Variants in PEBP4 observed in about 807,000 individuals in gnomAD.
PEBP4 encodes the protein phosphatidylethanolamine-binding protein 4.
A neutral mutation model predicts 23.9 loss-of-function variants in PEBP4; 22 were observed. The observed-to-expected ratio is 0.92, with a 90% CI of 0.66 to 1.31. The LOEUF is 1.31. PEBP4 is among the 40% of genes most tolerant of loss of function. The pLI, the probability that PEBP4 is intolerant of heterozygous loss-of-function variation, is 0.00. For missense variants in PEBP4, 324 were observed against 281.7 expected, an observed-to-expected ratio of 1.15 and a Z score of -1.07; for synonymous variants, 112 against 99.3, an observed-to-expected ratio of 1.13 and a Z score of -0.76.
upstream of PEBP4, among the ~76,000 whole-genome samples, chr8:22,930,223 G>C (rs1232363310): frequency 6.6e-6 from 1 of 152,082 alleles, no homozygotes; most frequent in East Asian, 1.9e-4. Context: ...TCCTTTCTAT[G>C]CCAGGGCTGT....
At chr8:22,751,657 TTGTGC>T (rs769951866) in intron 4 of PEBP4, among the ~76,000 whole-genome samples, 15,913 of 139,498 alleles carry the variant, frequency 0.11, 1,056 homozygotes, top group South Asian at 0.21. Context: ...TGTGTGTGTG[TTGTGC>T]GTCTATATAT....
chr8:22,800,366 C>T (rs924896406), intron 4 of PEBP4, among the ~76,000 whole-genome samples: 2 of 151,906 alleles, frequency 1.3e-5, no homozygotes, highest in African/African-American at 4.8e-5. Flanking sequence ...TGACCCTGGA[C>T]CTCAGTTTCT....
intron 6 of PEBP4, among the ~76,000 whole-genome samples, chr8:22,715,497 G>A (rs1406322065): frequency 6.6e-6 from 1 of 152,236 alleles, no homozygotes; most frequent in African/African-American, 2.4e-5. Flanking sequence ...CAGGGACGAG[G>A]GGGCCTTCCC....
intron 3 of PEBP4, among the ~76,000 whole-genome samples, chr8:22,846,070 T>C (rs1365011950): frequency 2.0e-5 from 3 of 152,252 alleles, no homozygotes; most frequent in East Asian, 1.9e-4. Context: ...GTCCTTCTTC[T>C]ATGCGGACCT....
intron 2 of PEBP4, chr8:22,924,871 T>C: frequency 2.0e-6 from 2 of 985,388 alleles, no homozygotes; most frequent in Non-Finnish European, 2.4e-6. Flanking sequence ...CCGAGAAGCG[T>C]TACTCTTAAC....
At chr8:22,848,048 C>A (rs181435090) in intron 3 of PEBP4, among the ~76,000 whole-genome samples, 1 of 152,012 alleles carries the variant, frequency 6.6e-6, no homozygotes, top group Admixed American at 6.6e-5. Flanking sequence ...CTCTCTCTGT[C>A]GCTTTCTCTT....
intron 6 of PEBP4, among the ~76,000 whole-genome samples, chr8:22,715,155 G>C (rs1585232445): frequency 6.6e-6 from 1 of 152,164 alleles, no homozygotes; most frequent in African/African-American, 2.4e-5. Flanking sequence ...GCTCAGATGG[G>C]GCCCAGGGGG....
At chr8:22,793,034 T>C (rs1049053375) in intron 4 of PEBP4, among the ~76,000 whole-genome samples, 1 of 152,158 alleles carries the variant, frequency 6.6e-6, no homozygotes, top group Non-Finnish European at 1.5e-5. Flanking sequence ...TATAGAAAAT[T>C]TGGAAAAACA....
At chr8:22,802,908 T>C (rs1806417438) in intron 4 of PEBP4, among the ~76,000 whole-genome samples, 1 of 152,140 alleles carries the variant, frequency 6.6e-6, no homozygotes, top group Admixed American at 6.5e-5. Flanking sequence ...TTTCTGTTTG[T>C]AGGTGGGGTA....
At chr8:22,791,104 G>C (rs1203344036) in intron 4 of PEBP4, among the ~76,000 whole-genome samples, 1 of 152,054 alleles carries the variant, frequency 6.6e-6, no homozygotes, top group Non-Finnish European at 1.5e-5. Context: ...TGCCCTAAAG[G>C]GCTGCCTCTT....
chr8:22,909,351 G>A (rs928566862), intron 3 of PEBP4, among the ~76,000 whole-genome samples: 14 of 152,182 alleles, frequency 9.2e-5, no homozygotes, highest in Admixed American at 3.3e-4. Flanking sequence ...CTGGGAGTTC[G>A]AATGTGTAAT....
chr8:22,816,897 T>G (rs1806752602), intron 4 of PEBP4, among the ~76,000 whole-genome samples: 2 of 152,140 alleles, frequency 1.3e-5, no homozygotes, highest in Admixed American at 1.3e-4. Flanking sequence ...TCAGTGTATA[T>G]GATATAGAGC....
intron 4 of PEBP4, among the ~76,000 whole-genome samples, chr8:22,778,483 C>T (rs1805858627): frequency 6.6e-6 from 1 of 151,584 alleles, no homozygotes; most frequent in African/African-American, 2.4e-5. Context: ...CTCTTGGGTT[C>T]GAGTGATAAC....
chr8:22,917,656 T>C (rs1266121845), intron 3 of PEBP4, among the ~76,000 whole-genome samples: 1 of 152,136 alleles, frequency 6.6e-6, no homozygotes, highest in African/African-American at 2.4e-5. Context: ...CCTAACATCC[T>C]TTCACCCTTA....
intron 4 of PEBP4, among the ~76,000 whole-genome samples, chr8:22,789,301 C>A (rs889515753): frequency 1.3e-5 from 2 of 152,058 alleles, no homozygotes; most frequent in Non-Finnish European, 2.9e-5. Context: ...ATTTTAGAAG[C>A]GGAAATCACC....
At chr8:22,758,624 C>G (rs1353734591) in intron 4 of PEBP4, among the ~76,000 whole-genome samples, 1 of 152,158 alleles carries the variant, frequency 6.6e-6, no homozygotes, top group Admixed American at 6.5e-5. Flanking sequence ...TTGGCCTGCC[C>G]CGGAGTTAGT....
chr8:22,806,982 T>A (rs1161325278), intron 4 of PEBP4, among the ~76,000 whole-genome samples: 1 of 152,234 alleles, frequency 6.6e-6, no homozygotes, highest in East Asian at 1.9e-4. Flanking sequence ...CTGTTTTCTT[T>A]TCTATATTGT....
At chr8:22,873,585 T>C (rs1808056303) in intron 3 of PEBP4, among the ~76,000 whole-genome samples, 1 of 152,176 alleles carries the variant, frequency 6.6e-6, no homozygotes, top group Non-Finnish European at 1.5e-5. Context: ...TGAGCCGTGA[T>C]TGTGCCACTG....
intron 3 of PEBP4, among the ~76,000 whole-genome samples, chr8:22,820,859 A>G (rs533315455): frequency 2.0e-4 from 30 of 152,282 alleles, no homozygotes; most frequent in African/African-American, 7.2e-4. Context: ...ATGCAACAGG[A>G]CCCACTGAAA....
Sources: gnomAD v4.1 joint callset for allele counts (sites outside exome capture counted in the v4.1 genomes callset) on GRCh38, gnomAD v4.1.1 for gene constraint, MANE v1.5 for transcripts, NCBI Gene and HGNC (gene_info 2026-07-23, HGNC 2026-07-21) for gene names.